RAPH1: variants seen among roughly 807,000 people sequenced by gnomAD.
RAPH1 encodes the protein Ras association (RalGDS/AF-6) and pleckstrin homology domains 1.
A neutral mutation model predicts 88.1 loss-of-function variants in RAPH1; 18 were observed. That is an observed-to-expected ratio of 0.20 (90% CI 0.14 to 0.30). RAPH1 has a LOEUF of 0.30. RAPH1 is among the 10% of genes least tolerant of loss of function. The probability of loss-of-function intolerance (pLI) is 1.00; values close to 1 mark genes in which losing one functional copy is unlikely to be tolerated. For synonymous variants in RAPH1, 587 were observed against 559.0 expected (o/e 1.05, Z -0.71); for missense variants, 1,448 against 1,543.2 (o/e 0.94, Z 1.03).
At chr2:203,500,475 A>G (rs1020752312) in intron 1 of RAPH1, among the ~76,000 whole-genome samples, 2 of 152,256 alleles carry the variant, frequency 1.3e-5, no homozygotes, top group South Asian at 4.2e-4. Flanking sequence ...AAAACTTTGG[A>G]CTTTATCCTG....
intron 1 of RAPH1, among the ~76,000 whole-genome samples, chr2:203,513,940 G>A (rs1358903967): frequency 1.3e-5 from 2 of 151,906 alleles, no homozygotes; most frequent in Non-Finnish European, 2.9e-5. Context: ...CACCTCCCGG[G>A]TTCAAGTGAT....
In RAPH1 at chr2:203,516,153, C is replaced by T. The variant is rs969404125; in HGVS notation, c.-1+18958G>A. Among the ~76,000 whole-genome samples, 37 of 152,136 alleles carry T rather than the reference C, an allele frequency of 2.4e-4. 1 individual carries two copies. The highest frequency in any genetic ancestry group is 1.5e-3 in the Admixed American group (23 of 15,274). ...TTCATATTTTGTTATAAGGTACTCA[C>T]ATTACACCCATGAAGTGGTACACTA... On this transcript the variant is annotated intron_variant, in intron 1 of 13. Transcript: ENST00000319170.
rs533054274 is a variant in RAPH1, at chr2:203,468,541, CCTTT to C, written c.733-6620_733-6617del. 1.3e-5 allele frequency among the ~76,000 whole-genome samples: 2 copies of C among 152,324 alleles called. 1 individual carries two copies. Among genetic ancestry groups the C allele is most frequent in the South Asian group, 4.1e-4 (2 of 4,822 alleles). The stretch of plus-strand genomic sequence containing the variant: ...AATCTTTTTCCCAGTATGTTCTACT[CCTTT>C]CTTTCCTTCATAGCACTTAACATGA... On this transcript the variant is annotated intron_variant, in intron 4 of 13. Transcript: ENST00000319170.
intron 10 of RAPH1, among the ~76,000 whole-genome samples, chr2:203,452,235 T>G (rs1234783159): frequency 6.6e-6 from 1 of 152,182 alleles, no homozygotes; most frequent in Non-Finnish European, 1.5e-5. Flanking sequence ...GAGTTAAAAA[T>G]GTACCACCCT....
intron 1 of RAPH1, among the ~76,000 whole-genome samples, chr2:203,506,875 TATATAGATATATA>T (rs1689101020): frequency 1.0e-5 from 1 of 99,962 alleles, no homozygotes. Context: ...TATATATATA[TATATAGATATATA>T]TATATATATA....
At chr2:203,517,643 A>G (rs567430361) in intron 1 of RAPH1, among the ~76,000 whole-genome samples, 9 of 152,206 alleles carry the variant, frequency 5.9e-5, no homozygotes, top group Non-Finnish European at 5.9e-5. Context: ...CAAATGTAAC[A>G]TAATAGAAAC....
rs971841754 is a variant in RAPH1, at chr2:203,436,449, A to G, written c.*2988T>C. Reference sequence around the variant, plus strand: ...GTAAAAGTCAAGCTGGTAAAATCCAATACAGAATATCTAATAAACCATAAG... The same window carrying G: ...GTAAAAGTCAAGCTGGTAAAATCCAGTACAGAATATCTAATAAACCATAAG... On this transcript the variant is annotated 3_prime_UTR_variant, in exon 14 of 14. Coordinates refer to ENST00000319170, the MANE Select transcript of RAPH1 (RefSeq NM_213589.3). 2 of 152,244 alleles carry G rather than the reference A, an allele frequency of 1.3e-5. No individual in the cohort carries two copies. The highest frequency in any genetic ancestry group is 4.8e-5 in the African/African-American group (2 of 41,466). The allele number at this position is 152,244 out of a possible 1,614,324, so 9.4% of individuals were successfully genotyped here.
At position 203,438,990 on chromosome 2, in the gene RAPH1, A is replaced by G. The variant is rs1581238675; in HGVS notation, c.*447T>C. 6.3e-6 allele frequency: 1 copy of G among 159,342 alleles called. No homozygotes were observed. Among genetic ancestry groups the G allele is most frequent in the East Asian group, 1.8e-4 (1 of 5,552 alleles). The allele number at this position is 159,342 out of a possible 1,614,324, so 9.9% of individuals were successfully genotyped here. On this transcript the variant is annotated 3_prime_UTR_variant, in exon 14 of 14. Transcript: ENST00000319170. ...CTCAACCAGAAATAGCACATTCTACATCTATTCCTTAGTTATATAATACAC... is the reference window on the plus strand; with the variant it reads ...CTCAACCAGAAATAGCACATTCTACGTCTATTCCTTAGTTATATAATACAC...
At chr2:203,455,063 C>CA (rs1385864921) in intron 9 of RAPH1, among the ~76,000 whole-genome samples, 1 of 152,140 alleles carries the variant, frequency 6.6e-6, no homozygotes, top group Non-Finnish European at 1.5e-5. Context: ...GTGATAGCTA[C>CA]ACCAGGGTGG....
chr2:203,476,778 A>G (rs1687475063), intron 4 of RAPH1, among the ~76,000 whole-genome samples: 1 of 152,202 alleles, frequency 6.6e-6, no homozygotes, highest in African/African-American at 2.4e-5. Context: ...TCAATTTGTT[A>G]GTATCTTAAG....
intron 4 of RAPH1, among the ~76,000 whole-genome samples, chr2:203,482,340 C>T (rs1687768125): frequency 6.6e-6 from 1 of 152,114 alleles, no homozygotes; most frequent in African/African-American, 2.4e-5. Flanking sequence ...TGCCCGCCAC[C>T]ATGCCTGGCT....
At position 203,489,795 on chromosome 2, in the gene RAPH1, G is replaced by A; in HGVS notation, c.521C>T (p.Ser174Phe). 6.2e-7 allele frequency: 1 copy of A among 1,614,242 alleles called. No individual in the cohort carries two copies. The highest frequency in any genetic ancestry group is 8.5e-7 in the Non-Finnish European group (1 of 1,180,030). ...TAAGGGTTTAGTATCTTCTAGTACA[G>A]ATTGCTGAGCAGCCTCATCCATACT... ...SLSMDEAAQQSVLEDTKPLVT... is the reference protein window; with the variant it reads ...SLSMDEAAQQFVLEDTKPLVT... Residue 174 changes from serine to phenylalanine, a missense_variant, in exon 4 of 14, where the codon TCT becomes TTT. Ser to Phe is a radical substitution (Grantham distance 155). Transcript: ENST00000319170.
At chr2:203,478,768 C>T (rs1007795028) in intron 4 of RAPH1, among the ~76,000 whole-genome samples, 8 of 152,198 alleles carry the variant, frequency 5.3e-5, no homozygotes, top group East Asian at 3.9e-4. Context: ...GGATTACAGG[C>T]GTGAGCCACT....
chr2:203,458,440 T>C (rs891237029), intron 7 of RAPH1, among the ~76,000 whole-genome samples: 5 of 152,140 alleles, frequency 3.3e-5, no homozygotes, highest in East Asian at 1.9e-4. Context: ...TTGTTGTCCA[T>C]AGGAGATTGA....
At chr2:203,492,717 T>C (rs998942609) in intron 2 of RAPH1, among the ~76,000 whole-genome samples, 3 of 152,154 alleles carry the variant, frequency 2.0e-5, no homozygotes, top group Non-Finnish European at 4.4e-5. Flanking sequence ...CAGTAAGCAC[T>C]GAACAAGCTT....
rs572105888 is a variant in RAPH1, at chr2:203,456,036, A to G, written c.1159-456T>C. Among the ~76,000 whole-genome samples, 429 of 113,316 alleles carry G rather than the reference A, an allele frequency of 3.8e-3. 1 individual carries two copies. The highest frequency in any genetic ancestry group is 0.013 in the African/African-American group (397 of 31,236). 74.3% of individuals were successfully genotyped at this position (113,316 alleles called of 152,430 possible). A position where few individuals can be genotyped will look rare whatever the true frequency, so the allele number is the denominator to read the frequency against. Reference sequence around the variant, plus strand: ...AACAAAAACAAAAACAAAAACAAAAACAAAAACAAGACAAAACACTTTCTA... The same window carrying G: ...AACAAAAACAAAAACAAAAACAAAAGCAAAAACAAGACAAAACACTTTCTA... On this transcript the variant is annotated intron_variant, in intron 8 of 13. Transcript: ENST00000319170.
chr2:203,472,073 C>T (rs2098533622), intron 4 of RAPH1, among the ~76,000 whole-genome samples: 1 of 150,718 alleles, frequency 6.6e-6, no homozygotes, highest in African/African-American at 2.4e-5. Flanking sequence ...TTGGGAAAAA[C>T]AAAGAACAAA....
intron 1 of RAPH1, among the ~76,000 whole-genome samples, chr2:203,533,936 C>T (rs572847354): frequency 2.4e-4 from 36 of 152,176 alleles, no homozygotes; most frequent in South Asian, 4.1e-4. Context: ...GCTTATCCAA[C>T]TCACATTGCA....
rs992796705 is a variant in RAPH1 at position 203,449,852 on chromosome 2, G to A, written c.1414-1016C>T. On this transcript the variant is annotated intron_variant, in intron 10 of 13. Transcript: ENST00000319170. Reference sequence around the variant, plus strand: ...AACCTGACCAACACGGTGAAACCCCGTCTCTATTAAAAATACAAAAATTAG... The same window carrying A: ...AACCTGACCAACACGGTGAAACCCCATCTCTATTAAAAATACAAAAATTAG... 7.4e-4 allele frequency among the ~76,000 whole-genome samples: 113 copies of A among 151,994 alleles called. 7 individuals are homozygous for A. The highest frequency in any genetic ancestry group is 1.3e-4 in the Non-Finnish European group (9 of 67,930).
Sources: allele counts gnomAD v4.1 joint callset (sites outside exome capture counted in the v4.1 genomes callset), GRCh38; gene constraint gnomAD v4.1.1; transcripts MANE v1.5; gene names NCBI Gene and HGNC (gene_info 2026-07-23, HGNC 2026-07-21).